The following CCDC66 variants were observed in gnomAD, a reference collection of about 807,000 sequenced individuals.
CCDC66 encodes coiled-coil domain-containing protein 66.
In CCDC66, 133 loss-of-function variants were observed where a neutral mutation model predicts 128.3. That is an observed-to-expected ratio of 1.04 (90% CI 0.90 to 1.20). The LOEUF is 1.20. Among genes scored for constraint, CCDC66 ranks in the 50% most tolerant of loss-of-function variants. CCDC66 has a pLI of 0.00. For missense variants in CCDC66, 1,126 were observed against 1,075.5 expected, an observed-to-expected ratio of 1.05 and a Z score of -0.66; for synonymous variants, 387 against 357.0, an observed-to-expected ratio of 1.08 and a Z score of -0.95.
intron 7 of CCDC66, among the ~76,000 whole-genome samples, chr3:56,580,253 A>G (rs1270579036): frequency 2.7e-5 from 4 of 150,744 alleles, no homozygotes. Context: ...TTTGTTTTCC[A>G]TTTGCTTGGT....
At chr3:56,585,620 C>T (rs1004841094) in intron 7 of CCDC66, among the ~76,000 whole-genome samples, 2 of 151,746 alleles carry the variant, frequency 1.3e-5, no homozygotes, top group African/African-American at 4.8e-5. Context: ...GGATATACTT[C>T]TTCAAGCATT....
intron 7 of CCDC66, chr3:56,572,487 C>A: frequency 1.3e-6 from 1 of 764,622 alleles, no homozygotes; most frequent in Non-Finnish European, 1.8e-6. Flanking sequence ...GACCTCTAAC[C>A]TATTTTCCTT....
chr3:56,602,459 A>C (rs1162541941), intron 10 of CCDC66, among the ~76,000 whole-genome samples: 5 of 151,944 alleles, frequency 3.3e-5, no homozygotes, highest in Admixed American at 3.3e-4. Flanking sequence ...TGTCTCTGCC[A>C]GGTTTTGGTA....
chr3:56,594,295 GT>G lies in CCDC66; in HGVS notation c.1404+280del, dbSNP rs74266053. 5.4e-3 allele frequency among the ~76,000 whole-genome samples: 788 copies of G among 145,144 alleles called. 6 individuals carry two copies. Among genetic ancestry groups the G allele is most frequent in the East Asian group, 0.029 (146 of 4,952 alleles). On this transcript the variant is annotated intron_variant, in intron 10 of 17. Coordinates refer to ENST00000394672, the MANE Select transcript of CCDC66 (RefSeq NM_001141947.3). ...TTTGTGTTGTCTTAGGTTAGTACTG[GT>G]TTTTTTTTTTTTCATCAATTTATTT... is the stretch of plus-strand genomic sequence containing the variant.
intron 10 of CCDC66, 99 bp downstream of exon 10, chr3:56,594,127 A>G: frequency 9.5e-7 from 1 of 1,057,352 alleles, no homozygotes; most frequent in South Asian, 1.3e-5. Flanking sequence ...TGTAAACTTT[A>G]CAGCATAGGT....
Position 56,558,889 on chromosome 3 carries a change from A to G in CCDC66, c.55A>G (p.Lys19Glu), listed in dbSNP as rs912872170. 4.5e-6 allele frequency: 7 copies of G among 1,548,954 alleles called. No individual in the cohort carries two copies. The highest frequency in any genetic ancestry group is 1.2e-5 in the South Asian group (1 of 83,878). ...LETELLDGKT[K>E]LILSPYEHKS... ...AACTGAATTACTGGATGGAAAAACCAAGCTAATATTGTCTCCATATGGTAT... is the reference window on the plus strand; with the variant it reads ...AACTGAATTACTGGATGGAAAAACCGAGCTAATATTGTCTCCATATGGTAT... Residue 19 changes from lysine to glutamate, a missense_variant, in exon 2 of 18, where the codon AAG becomes GAG. Coordinates refer to ENST00000394672, the MANE Select transcript of CCDC66 (RefSeq NM_001141947.3).
rs1214088010 is a variant in CCDC66 at position 56,593,839 on chromosome 3, C to G, written c.1319+98C>G. The G allele has an allele frequency of 3.8e-6, 6 of 1,578,546 alleles. No homozygotes were observed. In the East Asian group the frequency reaches 1.3e-4, roughly 35 times the overall value. On this transcript the variant is annotated intron_variant, in intron 9 of 17. Coordinates refer to ENST00000394672, the MANE Select transcript of CCDC66 (RefSeq NM_001141947.3). Reference sequence around the variant, plus strand: ...AATTGGTTTCAGGTTTGGTATTTGTCTTTGAAATAGAAATAATTAGTAGAT... The same window carrying G: ...AATTGGTTTCAGGTTTGGTATTTGTGTTTGAAATAGAAATAATTAGTAGAT...
chr3:56,606,628 C>G (rs1413569774), intron 10 of CCDC66, among the ~76,000 whole-genome samples: 2 of 151,990 alleles, frequency 1.3e-5, no homozygotes, highest in African/African-American at 4.8e-5. Context: ...CCAACCAGTC[C>G]CAATGAGATG....
intron 10 of CCDC66, 83 bp from the exon 11 acceptor site, chr3:56,613,506 A>C (rs1245258135): frequency 6.7e-7 from 1 of 1,496,556 alleles, no homozygotes; most frequent in Non-Finnish European, 9.0e-7. Context: ...GTGAGCACTG[A>C]ATGTATCTAG....
chr3:56,559,996 T>C (rs750250624), intron 3 of CCDC66, among the ~76,000 whole-genome samples: 4 of 152,198 alleles, frequency 2.6e-5, no homozygotes, highest in Non-Finnish European at 5.9e-5. Context: ...TACTGGACAA[T>C]GCACTCCAGA....
intron 6 of CCDC66, among the ~76,000 whole-genome samples, chr3:56,567,440 G>A (rs1049660989): frequency 6.6e-6 from 1 of 152,182 alleles, no homozygotes; most frequent in Non-Finnish European, 1.5e-5. Flanking sequence ...TAGGGGCCAA[G>A]GGAAAACGTC....
intron 7 of CCDC66, among the ~76,000 whole-genome samples, chr3:56,584,819 C>T (rs111419101): frequency 0.38 from 58,380 of 151,820 alleles, 13,992 homozygotes; most frequent in Non-Finnish European, 0.54. Context: ...ACTGAGTGAA[C>T]GAGACTCCGT....
At chr3:56,571,721 G>GT (rs991294813) in intron 7 of CCDC66, among the ~76,000 whole-genome samples, 14 of 151,828 alleles carry the variant, frequency 9.2e-5, no homozygotes, top group South Asian at 6.2e-4. Flanking sequence ...TTGTATGTGT[G>GT]TTTTTTTTAA....
At position 56,571,404 on chromosome 3, in the gene CCDC66, G is replaced by A. The variant is rs550164760; in HGVS notation, c.936+102G>A. On this transcript the variant is annotated intron_variant, in intron 7 of 17. Coordinates refer to ENST00000394672, the MANE Select transcript of CCDC66 (RefSeq NM_001141947.3). ...AAAAAAAAAGTTTTTTTTTTGAGAC[G>A]GAGTTTCTCTCTTGTTGCCCAGGCT... The A allele has an allele frequency of 1.9e-3, 1,504 of 777,550 alleles. 5 individuals carry two copies. The highest frequency in any genetic ancestry group is 2.6e-3 in the Non-Finnish European group (1,323 of 513,398). The allele number at this position is 777,550 out of a possible 1,614,324, so 48.2% of individuals were successfully genotyped here.
chr3:56,574,340 C>A (rs1256442774), intron 7 of CCDC66, among the ~76,000 whole-genome samples: 2 of 132,726 alleles, frequency 1.5e-5, no homozygotes, highest in African/African-American at 5.7e-5. Context: ...CCAGCCTGGG[C>A]GACAGAGCAA....
rs747616535 is a variant in CCDC66, at chr3:56,619,482, T to C, written c.2590T>C (p.Leu864=). ...EIYYLDPDAP[L]SGPSTQDPQY... ...CTATTACCTTGATCCCGATGCACCA[T>C]TGTCTGGGCCTTCAACCCAGGACCC... The change falls in exon 16 of 18, where the codon TTG becomes CTG. Residue 864 remains leucine (L), a synonymous_variant. Transcript: ENST00000394672. 1.9e-6 allele frequency: 3 copies of C among 1,614,096 alleles called. No homozygotes were observed. Among genetic ancestry groups the C allele is most frequent in the Admixed American group, 1.7e-5 (1 of 60,014 alleles).
Position 56,616,022 on chromosome 3 carries a change from G to GACT in CCDC66, c.1813_1815dup (p.Thr605dup). 1.4e-6 allele frequency: 2 copies of GACT among 1,439,296 alleles called. No homozygotes were observed. Among genetic ancestry groups the GACT allele is most frequent in the Non-Finnish European group, 9.3e-7 (1 of 1,080,540 alleles). 89.2% of individuals were successfully genotyped at this position (1,439,296 alleles called of 1,614,324 possible). On this transcript the variant is annotated inframe_insertion, in exon 13 of 18. Transcript: ENST00000394672. The stretch of plus-strand genomic sequence containing the variant: ...AAATGAATACATATATGAATTCTAC[G>GACT]ACTTCTAAGAAGGATACTGGTGTGC...
intron 10 of CCDC66, among the ~76,000 whole-genome samples, chr3:56,597,587 C>A (rs13080003): frequency 0.036 from 5,397 of 151,784 alleles, 126 homozygotes; most frequent in Middle Eastern, 0.078. Flanking sequence ...AAATGTGTAA[C>A]CCCCTTGGTT....
chr3:56,615,921 G>A lies in CCDC66; in HGVS notation c.1712-1G>A, dbSNP rs963177562. 6.3e-7 allele frequency: 1 copy of A among 1,589,552 alleles called. No individual in the cohort carries two copies. Among genetic ancestry groups the A allele is most frequent in the African/African-American group, 1.4e-5 (1 of 74,024 alleles). ...TTTATCAGGTGATTTCTCTTTGCCAGTTGATACAATACAAATGGAATATAA... is the reference window on the plus strand; with the variant it reads ...TTTATCAGGTGATTTCTCTTTGCCAATTGATACAATACAAATGGAATATAA... On this transcript the variant is annotated splice_acceptor_variant, in intron 12 of 17. Transcript: ENST00000394672. LOFTEE classifies it high-confidence loss of function.
Sources: allele counts gnomAD v4.1 joint callset (sites outside exome capture counted in the v4.1 genomes callset), GRCh38; gene constraint gnomAD v4.1.1; transcripts MANE v1.5; gene names NCBI Gene and HGNC (gene_info 2026-07-23, HGNC 2026-07-21).